The following LPP variants were observed in gnomAD, a reference collection of about 807,000 sequenced individuals.
LPP encodes the protein LIM domain containing preferred translocation partner in lipoma, also known as lipoma-preferred partner.
In LPP, 38 loss-of-function variants were observed where a neutral mutation model predicts 60.4. The observed-to-expected ratio is 0.63, with a 90% CI of 0.49 to 0.83. LPP has a LOEUF of 0.83. Ranked by LOEUF, LPP falls within the 40% of genes least tolerant of loss-of-function variation. LPP has a pLI of 0.00. For synonymous variants in LPP, 328 were observed against 290.8 expected, an observed-to-expected ratio of 1.13 and a Z score of -1.30; for missense variants, 902 against 783.6, an observed-to-expected ratio of 1.15 and a Z score of -1.80.
At chr3:188,222,018 G>A (rs1192894731) in intron 1 of LPP, among the ~76,000 whole-genome samples, 6 of 152,090 alleles carry the variant, frequency 3.9e-5, no homozygotes, top group African/African-American at 9.7e-5. Flanking sequence ...TAACTTCTCC[G>A]TTCCTCAGTT....
chr3:188,294,056 CAAAAAAAAAAAA>C (rs61312510), intron 2 of LPP, among the ~76,000 whole-genome samples: 5 of 39,420 alleles, frequency 1.3e-4, no homozygotes, highest in South Asian at 1.2e-3. Flanking sequence ...CAAACTCTGT[CAAAAAAAAAAAA>C]AAAAAAAAAA....
At chr3:188,293,212 A>G (rs776243659) in intron 2 of LPP, among the ~76,000 whole-genome samples, 1 of 152,194 alleles carries the variant, frequency 6.6e-6, no homozygotes, top group Non-Finnish European at 1.5e-5. Flanking sequence ...TTTATTACTA[A>G]GTGGTTGGGT....
In LPP at chr3:188,154,181, G is replaced by T; in HGVS notation, c.-261G>T. 1 of 213,840 alleles carries T rather than the reference G, an allele frequency of 4.7e-6. No individual in the cohort carries two copies. The highest frequency in any genetic ancestry group is 2.4e-5 in the African/African-American group (1 of 40,980). 13.2% of individuals were successfully genotyped at this position (213,840 alleles called of 1,614,324 possible). On this transcript the variant is annotated 5_prime_UTR_variant, in exon 1 of 12. Coordinates refer to ENST00000617246, the MANE Select transcript of LPP (RefSeq NM_001375462.1). ...CACCTCCTCCTCTGCCTCTGCCTCCGCCTCCAGCCGCCGCCGCCGCCGCCG... is the reference window on the plus strand; with the variant it reads ...CACCTCCTCCTCTGCCTCTGCCTCCTCCTCCAGCCGCCGCCGCCGCCGCCG...
intron 5 of LPP, among the ~76,000 whole-genome samples, chr3:188,489,547 C>T (rs868001965): frequency 6.6e-6 from 1 of 152,174 alleles, no homozygotes; most frequent in Non-Finnish European, 1.5e-5. Context: ...GGAACCTACT[C>T]TTTGTTCTGA....
chr3:188,676,522 C>T (rs527886208), intron 7 of LPP, among the ~76,000 whole-genome samples: 105 of 152,154 alleles, frequency 6.9e-4, no homozygotes, highest in Non-Finnish European at 1.2e-3. Context: ...CAACAGTTTT[C>T]TTCGTTCTTT....
At chr3:188,200,992 C>T (rs1730931151) in intron 1 of LPP, among the ~76,000 whole-genome samples, 1 of 152,074 alleles carries the variant, frequency 6.6e-6, no homozygotes, top group African/African-American at 2.4e-5. Flanking sequence ...GGCCAGTTGC[C>T]CACGTTCAGT....
At chr3:188,750,742 A>C (rs1727807904) in intron 8 of LPP, among the ~76,000 whole-genome samples, 1 of 152,186 alleles carries the variant, frequency 6.6e-6, no homozygotes, top group Non-Finnish European at 1.5e-5. Flanking sequence ...ACACTGGAGA[A>C]AACCTAATGT....
At chr3:188,218,717 A>G (rs1345819478) in intron 1 of LPP, among the ~76,000 whole-genome samples, 1 of 152,190 alleles carries the variant, frequency 6.6e-6, no homozygotes, top group Admixed American at 6.5e-5. Flanking sequence ...TGATTCAAAG[A>G]TAATTTGGAG....
At chr3:188,454,876 TG>T (rs2149378672) in intron 4 of LPP, among the ~76,000 whole-genome samples, 1 of 152,268 alleles carries the variant, frequency 6.6e-6, no homozygotes, top group East Asian at 1.9e-4. Context: ...TAATTCAAGA[TG>T]TGATTTGGGT....
intron 7 of LPP, among the ~76,000 whole-genome samples, chr3:188,621,195 C>CT (rs942011655): frequency 4.0e-4 from 58 of 146,582 alleles, no homozygotes; most frequent in Admixed American, 2.4e-3. Flanking sequence ...TATAAATGTT[C>CT]TTTTTTTTAA....
chr3:188,593,833 T>G (rs866664052), intron 6 of LPP, among the ~76,000 whole-genome samples: 41 of 152,224 alleles, frequency 2.7e-4, no homozygotes, highest in Admixed American at 1.8e-3. Flanking sequence ...AGTTTCTTTA[T>G]CCACTCATTG....
Position 188,406,332 on chromosome 3 carries a change from G to T in LPP, c.193+19G>T, listed in dbSNP as rs777158126. On this transcript the variant is annotated intron_variant, in intron 4 of 11. Transcript: ENST00000617246. ...GGTGAGGGTAAGTGCTGGGATTTCAGAGTTGGTTACTTGGAGTAGGAAAAT... is the reference window on the plus strand; with the variant it reads ...GGTGAGGGTAAGTGCTGGGATTTCATAGTTGGTTACTTGGAGTAGGAAAAT... The T allele has an allele frequency of 6.2e-7, 1 of 1,606,942 alleles. No individual in the cohort carries two copies. The highest frequency in any genetic ancestry group is 8.5e-7 in the Non-Finnish European group (1 of 1,175,268).
At position 188,491,840 on chromosome 3, in the gene LPP, G is replaced by T. The variant is rs1560473697; in HGVS notation, c.306+7136G>T. Among the ~76,000 whole-genome samples the T allele has an allele frequency of 2.0e-5, 3 of 152,202 alleles. No homozygotes were observed. In the South Asian group the frequency reaches 6.2e-4, roughly 31 times the overall value. On this transcript the variant is annotated intron_variant, in intron 5 of 11. Transcript: ENST00000617246. ...CCCTTTTGACAGTAGCCGACCTAGAGTCCAGGGGAGTATTCCAATATTTCA... is the reference window on the plus strand; with the variant it reads ...CCCTTTTGACAGTAGCCGACCTAGATTCCAGGGGAGTATTCCAATATTTCA...
chr3:188,805,665 A>G (rs748464718), intron 9 of LPP, among the ~76,000 whole-genome samples: 1 of 151,252 alleles, frequency 6.6e-6, no homozygotes, highest in African/African-American at 2.4e-5. Flanking sequence ...TTCTCTTTCT[A>G]TTTCCCTAAA....
At chr3:188,673,918 C>T (rs1857455023) in intron 7 of LPP, among the ~76,000 whole-genome samples, 1 of 145,886 alleles carries the variant, frequency 6.9e-6, no homozygotes, top group African/African-American at 2.5e-5. Context: ...AAGAAGATTG[C>T]ATAAGATTCT....
Position 188,407,784 on chromosome 3 carries a change from G to GTTTTTT in LPP, c.193+1474_193+1475insTTTTTT, listed in dbSNP as rs1397646143. Among the ~76,000 whole-genome samples, 48 of 114,820 alleles carry GTTTTTT rather than the reference G, an allele frequency of 4.2e-4. 1 individual carries two copies. The highest frequency in any genetic ancestry group is 5.6e-4 in the Non-Finnish European group (34 of 60,620). 75.3% of individuals were successfully genotyped at this position (114,820 alleles called of 152,430 possible). Reference sequence around the variant, plus strand: ...TCATTTATGGTTTTTTTTTTTGTTTGTTTGTTTTTTTTTTTTTTTTTTTGA... The same window carrying GTTTTTT: ...TCATTTATGGTTTTTTTTTTTGTTTGTTTTTTTTTGTTTTTTTTTTTTTTTTTTTGA... On this transcript the variant is annotated intron_variant, in intron 4 of 11. Coordinates refer to ENST00000617246, the MANE Select transcript of LPP (RefSeq NM_001375462.1).
At chr3:188,751,957 C>T (rs889498313) in intron 8 of LPP, among the ~76,000 whole-genome samples, 1 of 152,168 alleles carries the variant, frequency 6.6e-6, no homozygotes, top group Non-Finnish European at 1.5e-5. Context: ...TCTTAACCAA[C>T]TGCCTCAGAG....
At position 188,464,453 on chromosome 3, in the gene LPP, C is replaced by G. The variant is rs1415120363; in HGVS notation, c.194-20139C>G. Among the ~76,000 whole-genome samples the G allele has an allele frequency of 2.0e-5, 3 of 152,180 alleles. No individual in the cohort carries two copies. The East Asian group carries it at 5.8e-4, about 29-fold the overall frequency. On this transcript the variant is annotated intron_variant, in intron 4 of 11. Coordinates refer to ENST00000617246, the MANE Select transcript of LPP (RefSeq NM_001375462.1). ...ATTAGGACAGTATGGAACATTCCCACCACTGCAGAAAGTTCTGTGGTGCAG... is the reference window on the plus strand; with the variant it reads ...ATTAGGACAGTATGGAACATTCCCAGCACTGCAGAAAGTTCTGTGGTGCAG...
chr3:188,428,376 G>A (rs1423923713), intron 4 of LPP, among the ~76,000 whole-genome samples: 1 of 152,044 alleles, frequency 6.6e-6, no homozygotes, highest in Admixed American at 6.6e-5. Context: ...TTCATCCTAA[G>A]TCCCATATTT....
Sources: gnomAD v4.1 joint callset for allele counts (sites outside exome capture counted in the v4.1 genomes callset) on GRCh38, gnomAD v4.1.1 for gene constraint, MANE v1.5 for transcripts, NCBI Gene and HGNC (gene_info 2026-07-23, HGNC 2026-07-21) for gene names.